Variants in STX3 observed in about 807,000 individuals in gnomAD.
The protein encoded by STX3 is syntaxin-3.
A neutral mutation model predicts 40.2 loss-of-function variants in STX3; 19 were observed. That is an observed-to-expected ratio of 0.47 (90% CI 0.33 to 0.69). STX3 has a LOEUF of 0.69. Ranked by LOEUF, STX3 falls within the 30% of genes least tolerant of loss-of-function variation. The probability of loss-of-function intolerance (pLI) is 0.02; values close to 1 mark genes in which losing one functional copy is unlikely to be tolerated. For missense variants in STX3, 364 were observed against 366.7 expected (o/e 0.99, Z 0.06); for synonymous variants, 122 against 132.2 (o/e 0.92, Z 0.53).
At chr11:59,760,437 GT>G (rs1862970947) in intron 1 of STX3, among the ~76,000 whole-genome samples, 1 of 145,938 alleles carries the variant, frequency 6.9e-6, no homozygotes. Context: ...TGTTTGTTTT[GT>G]TTTTTTAATT....
At chr11:59,777,258 A>C (rs1864015497) in intron 2 of STX3, among the ~76,000 whole-genome samples, 1 of 152,196 alleles carries the variant, frequency 6.6e-6, no homozygotes, top group African/African-American at 2.4e-5. Context: ...CATCAGAATC[A>C]CCTGGGGAGT....
intron 2 of STX3, among the ~76,000 whole-genome samples, chr11:59,779,449 C>T (rs1431603449): frequency 1.3e-5 from 2 of 152,230 alleles, no homozygotes; most frequent in Admixed American, 1.3e-4. Flanking sequence ...TCCCATCTCC[C>T]TCTAAGTACC....
At chr11:59,799,301 C>A (rs1565194430) in intron 10 of STX3, among the ~76,000 whole-genome samples, 2 of 151,136 alleles carry the variant, frequency 1.3e-5, no homozygotes, top group Non-Finnish European at 2.9e-5. Context: ...TTGCTGATAA[C>A]CTTGTGGCAC....
rs914490953 is a variant in STX3, at chr11:59,803,527, C to A, written c.*2703C>A. Among the ~76,000 whole-genome samples the A allele has an allele frequency of 6.6e-6, 1 of 152,142 alleles. No homozygotes were observed. The highest frequency in any genetic ancestry group is 2.4e-5 in the African/African-American group (1 of 41,436). On this transcript the variant is annotated 3_prime_UTR_variant, in exon 11 of 11. Coordinates refer to ENST00000337979, the MANE Select transcript of STX3 (RefSeq NM_004177.5). ...CAGAAGGTGGCAATCTGTCCTATAA[C>A]CTGGTGTGGCAGAATGCTTTGTACA... is the stretch of plus-strand genomic sequence containing the variant.
At chr11:59,775,871 A>G (rs1469818626) in intron 2 of STX3, among the ~76,000 whole-genome samples, 1 of 150,684 alleles carries the variant, frequency 6.6e-6, no homozygotes, top group Non-Finnish European at 1.5e-5. Flanking sequence ...TGAAACTTAT[A>G]TTTAGAGTGG....
chr11:59,771,401 C>A (rs1396614309), intron 1 of STX3, among the ~76,000 whole-genome samples: 1 of 116,712 alleles, frequency 8.6e-6, no homozygotes, highest in Non-Finnish European at 1.7e-5. Flanking sequence ...CGTCCCCCCA[C>A]CTCCCCCCCC....
intron 5 of STX3, among the ~76,000 whole-genome samples, chr11:59,791,094 TGGG>T (rs1467714498): frequency 6.6e-6 from 1 of 151,950 alleles, no homozygotes; most frequent in East Asian, 1.9e-4. Context: ...TCAGGAAGAA[TGGG>T]GGGTAGCCAG....
chr11:59,776,526 A>T (rs1036135217), intron 2 of STX3, among the ~76,000 whole-genome samples: 3 of 152,222 alleles, frequency 2.0e-5, no homozygotes, highest in Non-Finnish European at 4.4e-5. Flanking sequence ...GTCCCCCTCT[A>T]TGTGACTGGT....
At chr11:59,786,908 A>T in intron 2 of STX3, 129 bp from the exon 3 acceptor site, 1 of 717,162 alleles carries the variant, frequency 1.4e-6, no homozygotes, top group Non-Finnish European at 2.4e-6. Flanking sequence ...TGAGGACTTT[A>T]AGTCATTATC....
rs1312915727 is a variant in STX3 at position 59,805,372 on chromosome 11, TAA to T, written c.*4549_*4550del. 6.6e-6 allele frequency: 1 copy of T among 152,232 alleles called. No homozygotes were observed. Among genetic ancestry groups the T allele is most frequent in the Non-Finnish European group, 1.5e-5 (1 of 68,046 alleles). 9.4% of individuals were successfully genotyped at this position (152,232 alleles called of 1,614,324 possible). On this transcript the variant is annotated 3_prime_UTR_variant, in exon 11 of 11. Transcript: ENST00000337979. ...ACAACTGTGAGGAGCACACAACTGC[TAA>T]GTTTGTACTTTTGAAAGTAAATTAT...
At chr11:59,799,145 C>T (rs1365865377) in intron 10 of STX3, among the ~76,000 whole-genome samples, 1 of 152,070 alleles carries the variant, frequency 6.6e-6, no homozygotes, top group Non-Finnish European at 1.5e-5. Context: ...TTGCCTTGGC[C>T]TCCCAAAGTG....
Position 59,793,386 on chromosome 11 carries a change from G to A in STX3, c.547G>A (p.Asp183Asn). 6.2e-7 allele frequency: 1 copy of A among 1,613,754 alleles called. No individual in the cohort carries two copies. Among genetic ancestry groups the A allele is most frequent in the Non-Finnish European group, 8.5e-7 (1 of 1,179,780 alleles). The change falls in exon 8 of 11, where the codon GAC (aspartate) becomes AAC (asparagine). Residue 183 changes from aspartate to asparagine, a missense_variant. Physicochemically the swap from Asp to Asn is conservative, Grantham distance 23. Coordinates refer to ENST00000337979, the MANE Select transcript of STX3 (RefSeq NM_004177.5). ...TGTGTGTGGCCTGTTGTAGATCATT[G>A]ACTCACAGATTTCCAAGCAAGCCCT... Reference protein sequence around the residue: ...NPAIFTSGIIDSQISKQALSE... With the variant: ...NPAIFTSGIINSQISKQALSE...
At chr11:59,792,080 C>A in intron 5 of STX3, 27 bp from the exon 6 acceptor site, 1 of 1,584,096 alleles carries the variant, frequency 6.3e-7, no homozygotes, top group Non-Finnish European at 8.7e-7. Context: ...CCACTGGGGC[C>A]TGACTGCATT....
intron 2 of STX3, among the ~76,000 whole-genome samples, chr11:59,785,179 A>G (rs1041879218): frequency 3.3e-5 from 5 of 152,220 alleles, no homozygotes; most frequent in South Asian, 2.1e-4. Context: ...ATTTTATTCT[A>G]CATCTTTCAG....
chr11:59,793,764 G>C (rs1265587887), intron 8 of STX3, among the ~76,000 whole-genome samples: 1 of 151,830 alleles, frequency 6.6e-6, no homozygotes, highest in African/African-American at 2.4e-5. Flanking sequence ...TTGATACAGG[G>C]TTTGATGTGT....
At position 59,755,499 on chromosome 11, in the gene STX3, G is replaced by T. The variant is rs1026225772; in HGVS notation, c.-107G>T. 5.7e-5 allele frequency: 79 copies of T among 1,376,480 alleles called. No individual in the cohort carries two copies. Among genetic ancestry groups the T allele is most frequent in the Non-Finnish European group, 7.2e-5 (76 of 1,059,350 alleles). 85.3% of individuals were successfully genotyped at this position (1,376,480 alleles called of 1,614,324 possible). On this transcript the variant is annotated 5_prime_UTR_variant, in exon 1 of 11. Transcript: ENST00000337979. ...CGCCGCCTGCGCCTCCAGCTCCTTC[G>T]CCCCGGCGGGCCCGGCCGCCGCTTC...
intron 1 of STX3, among the ~76,000 whole-genome samples, chr11:59,771,491 G>A (rs891930977): frequency 6.6e-6 from 1 of 150,832 alleles, no homozygotes; most frequent in South Asian, 2.1e-4. Context: ...GGTTGGTGTC[G>A]AAAGTTTGTG....
chr11:59,767,991 CT>C (rs1308843168), intron 1 of STX3, among the ~76,000 whole-genome samples: 3 of 152,210 alleles, frequency 2.0e-5, no homozygotes, highest in Admixed American at 6.5e-5. Context: ...GAGAAGTTGA[CT>C]TGGCCAGATC....
At position 59,802,725 on chromosome 11, in the gene STX3, G is replaced by C. The variant is rs79797606; in HGVS notation, c.*1901G>C. ...TGTGAAACGGTTCTGGCTCTGTCTC[G>C]ATGCAGAAACACAATGATCTGGTGC... On this transcript the variant is annotated 3_prime_UTR_variant, in exon 11 of 11. Transcript: ENST00000337979. The C allele has an allele frequency of 0.027, 26,182 of 985,708 alleles. 1,082 individuals are homozygous for C. Among genetic ancestry groups the C allele is most frequent in the African/African-American group, 0.17 (9,532 of 57,284 alleles). 61.1% of individuals were successfully genotyped at this position (985,708 alleles called of 1,614,324 possible).
Sources: gnomAD v4.1 joint callset for allele counts (sites outside exome capture counted in the v4.1 genomes callset) on GRCh38, gnomAD v4.1.1 for gene constraint, MANE v1.5 for transcripts, NCBI Gene and HGNC (gene_info 2026-07-23, HGNC 2026-07-21) for gene names.